SLC9A4: variants seen among roughly 807,000 people sequenced by gnomAD.
SLC9A4 encodes sodium/hydrogen exchanger 4.
Under a neutral mutation model 67.4 loss-of-function variants are expected in SLC9A4, and 63 were observed. The ratio of observed to expected loss-of-function variants is 0.93; its 90% CI spans 0.76 to 1.15. The LOEUF (loss-of-function observed/expected upper bound fraction) is 1.15. SLC9A4 is among the 50% of genes most tolerant of loss of function. SLC9A4 has a pLI of 0.00. For missense variants in SLC9A4, 1,089 were observed against 987.7 expected (o/e 1.10, Z -1.38); for synonymous variants, 393 against 367.2 (o/e 1.07, Z -0.80).
intron 2 of SLC9A4, among the ~76,000 whole-genome samples, chr2:102,481,715 G>T (rs1684466934): frequency 6.6e-6 from 1 of 151,702 alleles, no homozygotes; most frequent in Admixed American, 6.6e-5. Context: ...TTAGATTATG[G>T]TATATTTTAC....
At chr2:102,519,482 T>G (rs935501961) in intron 8 of SLC9A4, among the ~76,000 whole-genome samples, 1 of 152,230 alleles carries the variant, frequency 6.6e-6, no homozygotes, top group African/African-American at 2.4e-5. Context: ...CTGTTGCATT[T>G]AACGGTAAAA....
At position 102,532,564 on chromosome 2, in the gene SLC9A4, G is replaced by A; in HGVS notation, c.2273G>A (p.Gly758Asp). 6.2e-7 allele frequency: 1 copy of A among 1,614,122 alleles called. No individual in the cohort carries two copies. Among genetic ancestry groups the A allele is most frequent in the Non-Finnish European group, 8.5e-7 (1 of 1,180,002 alleles). ...KPLFHAVDEE[G>D]ESGGESEGKA... ...CTGTTTCATGCAGTGGATGAGGAGG[G>A]TGAGTCTGGAGGGGAGAGTGAGGGC... The change falls in exon 12 of 12, where the codon GGT becomes GAT. Residue 758 changes from glycine to aspartate, a missense_variant. Gly to Asp is a moderately conservative substitution (Grantham distance 94). Transcript: ENST00000295269.
chr2:102,521,805 A>G (rs1685426161), intron 9 of SLC9A4, among the ~76,000 whole-genome samples: 1 of 152,186 alleles, frequency 6.6e-6, no homozygotes, highest in Non-Finnish European at 1.5e-5. Context: ...TAGCCAGGGC[A>G]TTTCTCATTG....
chr2:102,508,746 C>A, intron 5 of SLC9A4, 101 bp from the exon 6 acceptor site: 1 of 865,128 alleles, frequency 1.2e-6, no homozygotes, highest in Non-Finnish European at 1.8e-6. Context: ...AGTACAAAAA[C>A]ATATAGATTG....
intron 2 of SLC9A4, among the ~76,000 whole-genome samples, chr2:102,479,883 GAGA>G (rs770152277): frequency 4.6e-5 from 7 of 152,192 alleles, no homozygotes; most frequent in Non-Finnish European, 8.8e-5. Context: ...GTGGGAAACT[GAGA>G]AGAACATACA....
At chr2:102,484,033 C>T (rs566483325) in intron 2 of SLC9A4, among the ~76,000 whole-genome samples, 2 of 151,832 alleles carry the variant, frequency 1.3e-5, no homozygotes, top group East Asian at 3.9e-4. Flanking sequence ...AGTTAAATCT[C>T]ATGGCCAAAA....
At chr2:102,499,635 C>A (rs1315936189) in intron 2 of SLC9A4, among the ~76,000 whole-genome samples, 3 of 152,112 alleles carry the variant, frequency 2.0e-5, no homozygotes, top group African/African-American at 7.2e-5. Context: ...CCATTGGCAC[C>A]AAGCTTTCTG....
At chr2:102,531,327 G>A (rs889754295) in intron 11 of SLC9A4, among the ~76,000 whole-genome samples, 2 of 152,154 alleles carry the variant, frequency 1.3e-5, no homozygotes, top group Non-Finnish European at 2.9e-5. Flanking sequence ...AATGATATAT[G>A]TGAGAAATAT....
chr2:102,479,072 T>G lies in SLC9A4; in HGVS notation c.490T>G (p.Leu164Val). 6.2e-7 allele frequency: 1 copy of G among 1,614,022 alleles called. No individual in the cohort carries two copies. Among genetic ancestry groups the G allele is most frequent in the Non-Finnish European group, 8.5e-7 (1 of 1,179,986 alleles). The change falls in exon 2 of 12, where the codon TTG becomes GTG. Residue 164 changes from leucine to valine, a missense_variant. By Grantham distance (32) the Leu-to-Val change is conservative. Coordinates refer to ENST00000295269, the MANE Select transcript of SLC9A4 (RefSeq NM_001011552.4). Reference sequence around the variant, plus strand: ...CGGCTCCATCCTGTGGTGGGCAGTATTGGGGGCCCTGATCAACGCCTTGGG... The same window carrying G: ...CGGCTCCATCCTGTGGTGGGCAGTAGTGGGGGCCCTGATCAACGCCTTGGG... Reference protein sequence around the residue: ...NIGSILWWAVLGALINALGIG... With the variant: ...NIGSILWWAVVGALINALGIG...
At chr2:102,522,519 G>A (rs906350585) in intron 9 of SLC9A4, among the ~76,000 whole-genome samples, 1 of 152,050 alleles carries the variant, frequency 6.6e-6, no homozygotes, top group Admixed American at 6.6e-5. Context: ...GAGGTGAAAT[G>A]GAAGCCAAAT....
chr2:102,503,703 C>T lies in SLC9A4; in HGVS notation c.976C>T (p.Leu326=), dbSNP rs756810695. Residue 326 remains leucine (L), a synonymous_variant, in exon 3 of 12, where the codon CTG becomes TTG. Transcript: ENST00000295269. The stretch of plus-strand genomic sequence containing the variant: ...TGAAACCCTCTATCTCTCCGGCATC[C>T]TGGCGTGAGTACAAACCAAGGATCA... ...AAETLYLSGI[L]AITACAVTMK... The T allele has an allele frequency of 2.4e-5, 38 of 1,613,906 alleles. No individual in the cohort carries two copies. The highest frequency in any genetic ancestry group is 1.7e-4 in the Admixed American group (10 of 59,986).
At chr2:102,474,129 T>C (rs1684279730) in intron 1 of SLC9A4, 114 bp downstream of exon 1, 1 of 1,260,656 alleles carries the variant, frequency 7.9e-7, no homozygotes, top group East Asian at 2.3e-5. Flanking sequence ...GCTATTACAT[T>C]AAAAATTCTC....
At chr2:102,525,798 G>A (rs1308302345) in intron 10 of SLC9A4, among the ~76,000 whole-genome samples, 1 of 152,060 alleles carries the variant, frequency 6.6e-6, no homozygotes, top group African/African-American at 2.4e-5. Context: ...TTGGAGACTG[G>A]CGTGTTCTGC....
At chr2:102,486,171 G>A (rs1203296608) in intron 2 of SLC9A4, among the ~76,000 whole-genome samples, 1 of 152,184 alleles carries the variant, frequency 6.6e-6, no homozygotes, top group East Asian at 1.9e-4. Flanking sequence ...ATGCTTCATT[G>A]CAGGTCCTGC....
chr2:102,524,909 C>A, intron 9 of SLC9A4, 115 bp from the exon 10 acceptor site: 1 of 1,271,468 alleles, frequency 7.9e-7, no homozygotes, highest in Admixed American at 2.0e-5. Flanking sequence ...CTTAGCTGAC[C>A]TCCAAGGTGC....
intron 11 of SLC9A4, among the ~76,000 whole-genome samples, chr2:102,531,254 C>A (rs772872788): frequency 4.6e-5 from 7 of 151,836 alleles, no homozygotes; most frequent in Non-Finnish European, 1.5e-5. Flanking sequence ...TACCTAAATT[C>A]TTAGGAGAAT....
chr2:102,519,817 A>G (rs947147259), intron 8 of SLC9A4, 42 bp from the exon 9 acceptor site: 1 of 1,601,990 alleles, frequency 6.2e-7, no homozygotes, highest in African/African-American at 1.3e-5. Flanking sequence ...CTCTTGCCAA[A>G]TGAAAGAATA....
At chr2:102,505,115 T>C in intron 3 of SLC9A4, 139 bp from the exon 4 acceptor site, 1 of 749,452 alleles carries the variant, frequency 1.3e-6, no homozygotes, top group Non-Finnish European at 2.1e-6. Context: ...GCGGAAAATC[T>C]GCAGCCACAG....
Position 102,479,138 on chromosome 2 carries a change from T to G in SLC9A4, c.556T>G (p.Phe186Val), listed in dbSNP as rs761040527. ...CTACCTCATCTGCCAGGTGAAGGCC[T>G]TTGGCCTGGGCGACGTCAACCTGCT... ...SLYLICQVKA[F>V]GLGDVNLLQN... is the part of the protein sequence containing the mutation. The change falls in exon 2 of 12, where the codon TTT (phenylalanine) becomes GTT (valine). Residue 186 changes from phenylalanine (F) to valine (V), a missense_variant. Coordinates refer to ENST00000295269, the MANE Select transcript of SLC9A4 (RefSeq NM_001011552.4). The G allele has an allele frequency of 6.2e-6, 10 of 1,614,046 alleles. No homozygotes were observed. Among genetic ancestry groups the G allele is most frequent in the Non-Finnish European group, 8.5e-6 (10 of 1,180,012 alleles).
Sources: gnomAD v4.1 joint callset for allele counts (sites outside exome capture counted in the v4.1 genomes callset) on GRCh38, gnomAD v4.1.1 for gene constraint, MANE v1.5 for transcripts, NCBI Gene and HGNC (gene_info 2026-07-23, HGNC 2026-07-21) for gene names.